Variants in AGBL4 observed in about 807,000 individuals in gnomAD.
AGBL4 encodes the protein AGBL carboxypeptidase 4.
AGBL4 carries 58 observed loss-of-function variants against 66.4 expected under a neutral mutation model. The ratio of observed to expected loss-of-function variants is 0.87; its 90% confidence interval spans 0.71 to 1.09. The LOEUF is 1.09. AGBL4 is among the 50% of genes least tolerant of loss of function. AGBL4 has a pLI of 0.00. For missense variants in AGBL4, 579 were observed against 631.0 expected (o/e 0.92, Z 0.88); for synonymous variants, 234 against 222.9 (o/e 1.05, Z -0.44).
intron 1 of AGBL4, among the ~76,000 whole-genome samples, chr1:49,955,592 C>G (rs189920329): frequency 3.3e-5 from 5 of 151,826 alleles, no homozygotes; most frequent in Admixed American, 3.3e-4. Context: ...TGCCCCAGCT[C>G]CCCTATATCT....
rs532439679 is a variant in AGBL4 at position 49,091,124 on chromosome 1, A to C, written c.378-45324T>G. Among the ~76,000 whole-genome samples the C allele has an allele frequency of 9.8e-5, 15 of 152,294 alleles. No individual in the cohort carries two copies. The East Asian group carries it at 2.9e-3, about 29-fold the overall frequency. On this transcript the variant is annotated intron_variant, in intron 4 of 13. Coordinates refer to ENST00000371839, the MANE Select transcript of AGBL4 (RefSeq NM_032785.4). ...AAAACTTCAATGTAAAACTTAAACT[A>C]TAAAAATTCTAGAAGACAACCTAGG...
chr1:49,132,332 G>A (rs186411232), intron 4 of AGBL4, among the ~76,000 whole-genome samples: 1 of 152,088 alleles, frequency 6.6e-6, no homozygotes, highest in East Asian at 1.9e-4. Context: ...ATAAGAAAAG[G>A]AGCATGTAGA....
intron 2 of AGBL4, among the ~76,000 whole-genome samples, chr1:49,750,321 C>T (rs757178591): frequency 8.5e-5 from 13 of 152,058 alleles, no homozygotes; most frequent in Non-Finnish European, 1.6e-4. Flanking sequence ...TATGGCTAGC[C>T]AGTTTTCCCA....
chr1:49,520,648 G>A (rs189316604), intron 3 of AGBL4, among the ~76,000 whole-genome samples: 7 of 151,940 alleles, frequency 4.6e-5, no homozygotes, highest in African/African-American at 7.2e-5. Context: ...ATCCTCATAC[G>A]AACTTCCTGC....
chr1:48,976,212 T>C (rs1659322722), intron 5 of AGBL4, among the ~76,000 whole-genome samples: 1 of 152,156 alleles, frequency 6.6e-6, no homozygotes, highest in African/African-American at 2.4e-5. Flanking sequence ...CCAAATATCA[T>C]GTAGATAAAA....
At chr1:49,393,164 G>C (rs908463716) in intron 3 of AGBL4, among the ~76,000 whole-genome samples, 1 of 152,134 alleles carries the variant, frequency 6.6e-6, no homozygotes, top group Non-Finnish European at 1.5e-5. Flanking sequence ...AGTGAATGAT[G>C]GTACTGGCAC....
chr1:49,531,377 T>C (rs906532809), intron 3 of AGBL4, among the ~76,000 whole-genome samples: 1 of 152,140 alleles, frequency 6.6e-6, no homozygotes, highest in African/African-American at 2.4e-5. Context: ...CATTCTATGA[T>C]GTCTCTATTC....
intron 4 of AGBL4, among the ~76,000 whole-genome samples, chr1:49,225,945 T>G (rs1649878933): frequency 6.6e-6 from 1 of 152,230 alleles, no homozygotes; most frequent in Non-Finnish European, 1.5e-5. Context: ...GACTGGTTTC[T>G]AATAACTAGG....
intron 5 of AGBL4, among the ~76,000 whole-genome samples, chr1:48,921,586 C>T (rs1343433): frequency 2.0e-5 from 3 of 152,114 alleles, no homozygotes. Context: ...GCTCACTGCT[C>T]TAGCCCAGAG....
chr1:49,324,607 AG>A (rs565881116), intron 3 of AGBL4, among the ~76,000 whole-genome samples: 6 of 152,374 alleles, frequency 3.9e-5, no homozygotes, highest in Admixed American at 2.6e-4. Context: ...AGTGAGTCCT[AG>A]AAAAGCAGGT....
chr1:49,918,599 C>T (rs1448417106), intron 1 of AGBL4, among the ~76,000 whole-genome samples: 1 of 152,054 alleles, frequency 6.6e-6, no homozygotes, highest in Non-Finnish European at 1.5e-5. Flanking sequence ...AATTAATAGC[C>T]TACCAACCAA....
intron 3 of AGBL4, among the ~76,000 whole-genome samples, chr1:49,447,516 A>C (rs970297563): frequency 3.3e-5 from 5 of 152,148 alleles, no homozygotes; most frequent in African/African-American, 1.2e-4. Flanking sequence ...CTGCACTCCC[A>C]AAATGGCACC....
At chr1:49,948,572 T>G (rs570599197) in intron 1 of AGBL4, among the ~76,000 whole-genome samples, 49,601 of 116,430 alleles carry the variant, frequency 0.43, 12,527 homozygotes, top group Non-Finnish European at 0.57. Flanking sequence ...AAAATATATA[T>G]ATATATATAT....
Position 49,864,292 on chromosome 1 carries a change from G to A in AGBL4, c.35-12774C>T, listed in dbSNP as rs536961963. On this transcript the variant is annotated intron_variant, in intron 1 of 13. Coordinates refer to ENST00000371839, the MANE Select transcript of AGBL4 (RefSeq NM_032785.4). ...ATAGTCAGTGGCTGACAGGCAGGTGGATATGGTTAATGGGTACAAAAAAAA... is the reference window on the plus strand; with the variant it reads ...ATAGTCAGTGGCTGACAGGCAGGTGAATATGGTTAATGGGTACAAAAAAAA... 5.3e-4 allele frequency among the ~76,000 whole-genome samples: 80 copies of A among 152,288 alleles called. No homozygotes were observed. The Middle Eastern group carries it at 0.01, about 19-fold the overall frequency.
At chr1:49,967,155 C>A (rs1657632050) in intron 1 of AGBL4, among the ~76,000 whole-genome samples, 1 of 152,130 alleles carries the variant, frequency 6.6e-6, no homozygotes. Flanking sequence ...TCTCCACATC[C>A]TCTCCAGCAT....
chr1:49,047,729 A>G (rs535402315), intron 4 of AGBL4, among the ~76,000 whole-genome samples: 1 of 152,284 alleles, frequency 6.6e-6, no homozygotes, highest in East Asian at 1.9e-4. Flanking sequence ...TGTTTTATTT[A>G]GCAAATATTT....
At chr1:48,965,616 C>T (rs1365288437) in intron 5 of AGBL4, among the ~76,000 whole-genome samples, 1 of 152,064 alleles carries the variant, frequency 6.6e-6, no homozygotes, top group Non-Finnish European at 1.5e-5. Flanking sequence ...GTTAAGGTGC[C>T]ACACAGTTCC....
At chr1:49,330,143 T>C (rs1277849702) in intron 3 of AGBL4, among the ~76,000 whole-genome samples, 2 of 152,188 alleles carry the variant, frequency 1.3e-5, no homozygotes, top group Non-Finnish European at 2.9e-5. Context: ...TGGCCAGACA[T>C]GGTGGCTTCG....
At chr1:48,841,065 C>A (rs1057269456) in intron 6 of AGBL4, among the ~76,000 whole-genome samples, 1 of 152,066 alleles carries the variant, frequency 6.6e-6, no homozygotes, top group Non-Finnish European at 1.5e-5. Flanking sequence ...CTTAAAAAGA[C>A]AAAATTCTAG....
Sources: allele counts gnomAD v4.1 joint callset (sites outside exome capture counted in the v4.1 genomes callset), GRCh38; gene constraint gnomAD v4.1.1; transcripts MANE v1.5; gene names NCBI Gene and HGNC (gene_info 2026-07-23, HGNC 2026-07-21).